The following KIF20B variants were observed in gnomAD, a reference collection of about 807,000 sequenced individuals.
The protein encoded by KIF20B is kinesin family member 20B, also known as kinesin-like protein KIF20B.
KIF20B carries 188 observed loss-of-function variants against 232.5 expected under a neutral mutation model. That is an observed-to-expected ratio of 0.81 (90% CI 0.72 to 0.91). The LOEUF (loss-of-function observed/expected upper bound fraction) is 0.91, where lower values mean the gene tolerates loss of function less well. Ranked by LOEUF, KIF20B falls within the 40% of genes least tolerant of loss-of-function variation. The pLI is 0.00. For missense variants in KIF20B, 2,154 were observed against 2,055.9 expected, an observed-to-expected ratio of 1.05 and a Z score of -0.92; for synonymous variants, 712 against 683.0, an observed-to-expected ratio of 1.04 and a Z score of -0.66.
At chr10:89,768,250 T>C (rs1842402464) in intron 29 of KIF20B, 40 bp from the exon 30 acceptor site, 2 of 1,232,800 alleles carry the variant, frequency 1.6e-6, no homozygotes, top group Middle Eastern at 2.3e-4. Flanking sequence ...AATAAAATAT[T>C]GTCAAGAAAT....
At chr10:89,728,145 A>T (rs190209573) in intron 17 of KIF20B, among the ~76,000 whole-genome samples, 53 of 152,288 alleles carry the variant, frequency 3.5e-4, no homozygotes, top group Non-Finnish European at 5.7e-4. Context: ...ATAATTCAAG[A>T]TCTTGGTATC....
intron 2 of KIF20B, among the ~76,000 whole-genome samples, chr10:89,708,579 G>A (rs879799754): frequency 2.0e-5 from 3 of 151,096 alleles, no homozygotes; most frequent in Non-Finnish European, 3.0e-5. Context: ...TTTTTTTTGT[G>A]GCATTATTTT....
chr10:89,766,387 C>G (rs577701237), intron 29 of KIF20B: 2 of 152,952 alleles, frequency 1.3e-5, no homozygotes, highest in Admixed American at 1.3e-4. Flanking sequence ...CTCCGAGCTA[C>G]AGGAGGAAAT....
chr10:89,738,603 G>A lies in KIF20B; in HGVS notation c.3762G>A (p.Arg1254=). ...AAGAAGAAGAAGAAGAAACCAACAG[G>A]CAAGAAACAGAAAAGTAAGCTAAAT... The part of the protein sequence containing the change: ...QLKEEEEETN[R]QETEKLKEEL... The change falls in exon 20 of 33, where the codon AGG becomes AGA. Residue 1254 remains arginine (R), a synonymous_variant. Transcript: ENST00000371728. 1 of 1,546,596 alleles carries A rather than the reference G, an allele frequency of 6.5e-7. No individual in the cohort carries two copies. Among genetic ancestry groups the A allele is most frequent in the Non-Finnish European group, 8.7e-7 (1 of 1,151,372 alleles).
At chr10:89,705,789 T>C (rs1564655830) in intron 2 of KIF20B, among the ~76,000 whole-genome samples, 1 of 152,232 alleles carries the variant, frequency 6.6e-6, no homozygotes, top group Admixed American at 6.5e-5. Context: ...TCTAGCTCTT[T>C]ACAGAGAAAA....
chr10:89,741,429 T>C (rs1387400509), intron 21 of KIF20B, among the ~76,000 whole-genome samples: 6 of 152,242 alleles, frequency 3.9e-5, no homozygotes, highest in Admixed American at 1.3e-4. Context: ...CCTCCTCATA[T>C]AGATGACTAT....
intron 32 of KIF20B, among the ~76,000 whole-genome samples, chr10:89,773,743 G>A (rs191746114): frequency 1.3e-5 from 2 of 152,002 alleles, no homozygotes; most frequent in East Asian, 3.9e-4. Context: ...TCAATATGGA[G>A]TCTAGGTTAT....
chr10:89,773,406 A>G (rs997969715), intron 32 of KIF20B, among the ~76,000 whole-genome samples: 5 of 152,054 alleles, frequency 3.3e-5, no homozygotes, highest in African/African-American at 1.2e-4. Flanking sequence ...AATTAAAAAG[A>G]AGTGGCCAAG....
intron 31 of KIF20B, among the ~76,000 whole-genome samples, chr10:89,770,695 G>A (rs903706960): frequency 6.6e-6 from 1 of 150,848 alleles, no homozygotes; most frequent in Non-Finnish European, 1.5e-5. Context: ...CATATTTGTT[G>A]TTTTGGGTCA....
chr10:89,709,134 A>G, intron 2 of KIF20B, 33 bp from the exon 3 acceptor site: 1 of 1,491,664 alleles, frequency 6.7e-7, no homozygotes, highest in Non-Finnish European at 9.3e-7. Flanking sequence ...GTATCTTTCA[A>G]AAACACAATG....
At chr10:89,730,898 G>A (rs923557757) in intron 18 of KIF20B, among the ~76,000 whole-genome samples, 5 of 152,152 alleles carry the variant, frequency 3.3e-5, no homozygotes, top group African/African-American at 4.8e-5. Context: ...GATGGAATTA[G>A]ACTACAGGCA....
Position 89,762,646 on chromosome 10 carries a change from T to C in KIF20B, c.4800T>C (p.Ser1600=), listed in dbSNP as rs776423927. 6 of 1,611,782 alleles carry C rather than the reference T, an allele frequency of 3.7e-6. No homozygotes were observed. The South Asian group carries it at 5.5e-5, about 15-fold the overall frequency. The change falls in exon 29 of 33, where the codon TCT becomes TCC. Residue 1600 remains serine (S), a synonymous_variant. Coordinates refer to ENST00000371728, the MANE Select transcript of KIF20B (RefSeq NM_001284259.2). ...TTTACATTCTGTTGTAGGATGGATC[T>C]GTAGTCCTTGACTCTTGTGAAGTGT... The part of the protein sequence containing the change: ...EISRNKIEDG[S]VVLDSCEVST...
rs774428468 is a variant in KIF20B at position 89,760,643 on chromosome 10, A to T, written c.4791+7A>T. 1.4e-6 allele frequency: 2 copies of T among 1,468,394 alleles called. No individual in the cohort carries two copies. The highest frequency in any genetic ancestry group is 1.9e-6 in the Non-Finnish European group (2 of 1,047,956). The allele number at this position is 1,468,394 out of a possible 1,614,324, so 91.0% of individuals were successfully genotyped here. A position where few individuals can be genotyped will look rare whatever the true frequency, so the allele number is the denominator to read the frequency against. Reference sequence around the variant, plus strand: ...TTCCAGAAATAAAATAGAGGTGGGTATTTGGCAGCACAGTCCACTTATTTA... The same window carrying T: ...TTCCAGAAATAAAATAGAGGTGGGTTTTTGGCAGCACAGTCCACTTATTTA... On this transcript the variant is annotated splice_region_variant and intron_variant, in intron 28 of 32. Transcript: ENST00000371728.
At position 89,760,627 on chromosome 10, in the gene KIF20B, T is replaced by G. The variant is rs749349671; in HGVS notation, c.4782T>G (p.Asn1594Lys). ...PLSTSFEISR[N>K]KIEDGSVVLD... ...CGACAAGTTTTGAAATTTCCAGAAA[T>G]AAAATAGAGGTGGGTATTTGGCAGC... The change falls in exon 28 of 33, where the codon AAT becomes AAG. Residue 1594 changes from asparagine to lysine, a missense_variant. Transcript: ENST00000371728. The G allele has an allele frequency of 2.5e-6, 4 of 1,585,962 alleles. No individual in the cohort carries two copies. The highest frequency in any genetic ancestry group is 2.6e-6 in the Non-Finnish European group (3 of 1,154,836).
chr10:89,738,876 G>A, intron 20 of KIF20B, 82 bp from the exon 21 acceptor site: 1 of 1,415,180 alleles, frequency 7.1e-7, no homozygotes, highest in Admixed American at 2.5e-5. Context: ...ATATAATTTT[G>A]TAAAGATTGT....
chr10:89,758,090 A>G (rs912936414), intron 26 of KIF20B, among the ~76,000 whole-genome samples: 25 of 151,968 alleles, frequency 1.6e-4, no homozygotes, highest in African/African-American at 6.0e-4. Flanking sequence ...TTGCATCTCC[A>G]TATAATTTTT....
In KIF20B at chr10:89,714,027, TA is replaced by T; in HGVS notation, c.676-16del. The T allele has an allele frequency of 7.6e-7, 1 of 1,308,450 alleles. No individual in the cohort carries two copies. The highest frequency in any genetic ancestry group is 1.0e-6 in the Non-Finnish European group (1 of 958,804). The allele number at this position is 1,308,450 out of a possible 1,614,324, so 81.1% of individuals were successfully genotyped here. ...TAATGAAAATGTTTTTTTAATTTTT[TA>T]AAACAATCTTTTTTTTAGGTTACTG... On this transcript the variant is annotated intron_variant, in intron 6 of 32. Transcript: ENST00000371728.
At position 89,758,859 on chromosome 10, in the gene KIF20B, A is replaced by G. The variant is rs1842183935; in HGVS notation, c.4657A>G (p.Ile1553Val). ...TAATGAAATTGAACAACTAAAAAGG[A>G]TCATATCAGAGACTTCTAAAATAGT... The part of the protein sequence containing the change: ...KDNEIEQLKR[I>V]ISETSKIETQ... Residue 1553 changes from isoleucine to valine, a missense_variant, in exon 27 of 33, where the codon ATC (isoleucine) becomes GTC (valine). By Grantham distance (29) the Ile-to-Val change is conservative (BLOSUM62 3). Transcript: ENST00000371728. 1 of 1,585,222 alleles carries G rather than the reference A, an allele frequency of 6.3e-7. No homozygotes were observed. Among genetic ancestry groups the G allele is most frequent in the Non-Finnish European group, 8.6e-7 (1 of 1,166,496 alleles).
At chr10:89,727,492 CTTTT>C (rs1345224133) in intron 16 of KIF20B, among the ~76,000 whole-genome samples, 4 of 152,160 alleles carry the variant, frequency 2.6e-5, no homozygotes, top group Admixed American at 1.3e-4. Context: ...CTGCTCTGCC[CTTTT>C]TTGTGTGAAA....
Sources: allele counts gnomAD v4.1 joint callset (sites outside exome capture counted in the v4.1 genomes callset), GRCh38; gene constraint gnomAD v4.1.1; transcripts MANE v1.5; gene names NCBI Gene and HGNC (gene_info 2026-07-23, HGNC 2026-07-21).